VAC14: variants seen among roughly 807,000 people sequenced by gnomAD.
VAC14 encodes the protein VAC14 component of PIKFYVE complex.
A neutral mutation model predicts 85.3 loss-of-function variants in VAC14; 47 were observed. That is an observed-to-expected ratio of 0.55 (90% CI 0.44 to 0.70). VAC14 has a LOEUF of 0.70. VAC14 is among the 30% of genes least tolerant of loss of function. The pLI is 0.00. For missense variants in VAC14, 861 were observed against 1,004.3 expected (o/e 0.86, Z 1.93); for synonymous variants, 447 against 430.5 (o/e 1.04, Z -0.47).
chr16:70,717,341 C>T (rs755791256), intron 14 of VAC14, among the ~76,000 whole-genome samples: 5 of 152,196 alleles, frequency 3.3e-5, no homozygotes, highest in Non-Finnish European at 7.3e-5. Flanking sequence ...CCAGCTGTGG[C>T]GGGGGAGAGG....
At chr16:70,704,157 G>A (rs1204547505) in intron 14 of VAC14, among the ~76,000 whole-genome samples, 1 of 152,252 alleles carries the variant, frequency 6.6e-6, no homozygotes, top group East Asian at 1.9e-4. Flanking sequence ...CCTGCTTCAG[G>A]TGAAACCTGG....
intron 10 of VAC14, among the ~76,000 whole-genome samples, chr16:70,764,205 G>A (rs1356100763): frequency 6.6e-6 from 1 of 152,182 alleles, no homozygotes; most frequent in Non-Finnish European, 1.5e-5. Flanking sequence ...ATTGCTGAGA[G>A]GAATTGCTAT....
At chr16:70,728,210 C>T (rs1037533840) in intron 14 of VAC14, among the ~76,000 whole-genome samples, 13 of 152,042 alleles carry the variant, frequency 8.6e-5, no homozygotes, top group African/African-American at 3.1e-4. Context: ...AGCAAGCGAT[C>T]GCCATACTGA....
intron 14 of VAC14, chr16:70,700,078 C>A (rs2053793668): frequency 6.6e-6 from 1 of 152,236 alleles, no homozygotes; most frequent in African/African-American, 2.4e-5. Flanking sequence ...GACTCAGCCT[C>A]CGCTCCGCAT....
chr16:70,782,490 G>A (rs1367595099), intron 7 of VAC14, among the ~76,000 whole-genome samples: 2 of 152,196 alleles, frequency 1.3e-5, no homozygotes, highest in African/African-American at 4.8e-5. Context: ...CCATGGTCCC[G>A]GCATGACATG....
intron 17 of VAC14, among the ~76,000 whole-genome samples, 200 bp downstream of exon 17, chr16:70,695,344 G>A (rs544678113): frequency 2.6e-5 from 4 of 152,158 alleles, no homozygotes; most frequent in African/African-American, 7.2e-5. Context: ...AACTCCTGCC[G>A]TTAAGAGATG....
At chr16:70,792,966 G>A (rs547241674) in intron 1 of VAC14, among the ~76,000 whole-genome samples, 2 of 152,160 alleles carry the variant, frequency 1.3e-5, no homozygotes, top group South Asian at 2.1e-4. Context: ...CCTTTCCTAC[G>A]GTCACCAAAG....
chr16:70,702,305 G>A (rs1301430207), intron 14 of VAC14, among the ~76,000 whole-genome samples: 2 of 152,222 alleles, frequency 1.3e-5, no homozygotes, highest in African/African-American at 2.4e-5. Flanking sequence ...CATCCCAGGA[G>A]ACTCTGGAGC....
At position 70,731,621 on chromosome 16, in the gene VAC14, T is replaced by G. The variant is rs752276036; in HGVS notation, c.1535A>C (p.Lys512Thr). The change falls in exon 14 of 19, where the codon AAA (lysine) becomes ACA (threonine). Residue 512 changes from lysine to threonine, a missense_variant. This residue lies in a region of VAC14 where 629 missense variants were observed against 703.1 expected (regional missense o/e 0.89). Transcript: ENST00000261776. ...RAGLLNTSGT[K>T]GLECSPSTPT... is the part of the protein sequence containing the mutation. ...AGTTGAAGGAGAACATTCTAAGCCTTTGGTACCTGTAGAGAAAGGGATAGA... is the reference window on the plus strand; with the variant it reads ...AGTTGAAGGAGAACATTCTAAGCCTGTGGTACCTGTAGAGAAAGGGATAGA... 1.9e-6 allele frequency: 3 copies of G among 1,613,864 alleles called. No individual in the cohort carries two copies. Among genetic ancestry groups the G allele is most frequent in the Non-Finnish European group, 2.5e-6 (3 of 1,179,926 alleles).
chr16:70,751,128 C>T (rs2031352237), intron 12 of VAC14, among the ~76,000 whole-genome samples: 1 of 152,218 alleles, frequency 6.6e-6, no homozygotes, highest in Non-Finnish European at 1.5e-5. Context: ...ACCCACTTAT[C>T]CTTAAGAAAC....
intron 12 of VAC14, among the ~76,000 whole-genome samples, chr16:70,746,296 C>T (rs1307536064): frequency 1.3e-5 from 2 of 152,208 alleles, no homozygotes; most frequent in African/African-American, 4.8e-5. Flanking sequence ...CTGGCACTCG[C>T]TCACACAGAC....
chr16:70,709,369 G>A (rs1350091090), intron 14 of VAC14, among the ~76,000 whole-genome samples: 1 of 152,114 alleles, frequency 6.6e-6, no homozygotes, highest in African/African-American at 2.4e-5. Context: ...CTGAGCTGCA[G>A]AGATCACTGG....
At chr16:70,732,653 T>TG (rs2054625276) in intron 13 of VAC14, among the ~76,000 whole-genome samples, 1 of 152,088 alleles carries the variant, frequency 6.6e-6, no homozygotes, top group Non-Finnish European at 1.5e-5. Context: ...TTTTTTTTTT[T>TG]TTTTTTAAAG....
chr16:70,752,717 C>T (rs2031485203), intron 12 of VAC14, among the ~76,000 whole-genome samples: 1 of 152,234 alleles, frequency 6.6e-6, no homozygotes, highest in Non-Finnish European at 1.5e-5. Context: ...CAGGCTCTAC[C>T]CCATAGGCCT....
intron 10 of VAC14, chr16:70,769,093 A>C (rs567124592): frequency 1.0e-4 from 23 of 220,262 alleles, no homozygotes; most frequent in Non-Finnish European, 2.1e-4. Context: ...TGGGATTATA[A>C]GCGTGAGCCA....
rs1288356880 is a variant in VAC14, at chr16:70,748,021, G to A, written c.1372-3442C>T. The A allele has an allele frequency of 2.0e-5, 3 of 151,966 alleles. No individual in the cohort carries two copies. In the South Asian group the frequency reaches 6.2e-4, roughly 32 times the overall value. The allele number at this position is 151,966 out of a possible 1,614,324, so 9.4% of individuals were successfully genotyped here. A position where few individuals can be genotyped will look rare whatever the true frequency, so the allele number is the denominator to read the frequency against. On this transcript the variant is annotated intron_variant, in intron 12 of 18. Coordinates refer to ENST00000261776, the MANE Select transcript of VAC14 (RefSeq NM_018052.5). ...GTCCTCGCTCCCGGCCACAATGAAT[G>A]CCCTCACTTGTCACCAGTCTCACCT...
chr16:70,731,152 C>G (rs1041791653), intron 14 of VAC14: 5 of 449,126 alleles, frequency 1.1e-5, no homozygotes, highest in Non-Finnish European at 1.2e-5. Flanking sequence ...TGGAGCACAG[C>G]CCCATGTCCC....
intron 12 of VAC14, among the ~76,000 whole-genome samples, chr16:70,751,254 C>A (rs1408232785): frequency 9.2e-5 from 14 of 152,230 alleles, no homozygotes; most frequent in African/African-American, 3.1e-4. Context: ...AATCCCCAAG[C>A]TGGGCCCTCT....
chr16:70,752,903 T>C (rs374911787), intron 12 of VAC14, among the ~76,000 whole-genome samples: 42 of 152,094 alleles, frequency 2.8e-4, no homozygotes, highest in African/African-American at 7.5e-4. Context: ...AACTCCCAGC[T>C]AACAGGCCAC....
Sources: gnomAD v4.1 joint callset for allele counts (sites outside exome capture counted in the v4.1 genomes callset) on GRCh38, gnomAD v4.1.1 for gene constraint, gnomAD v4.1.1 regional missense constraint, MANE v1.5 for transcripts, NCBI Gene and HGNC (gene_info 2026-07-23, HGNC 2026-07-21) for gene names.